KRT77: variants seen among roughly 807,000 people sequenced by gnomAD.
KRT77 encodes keratin, type II cytoskeletal 1b.
A neutral mutation model predicts 51.5 loss-of-function variants in KRT77; 44 were observed. The observed-to-expected ratio is 0.85, with a 90% CI of 0.67 to 1.10. The LOEUF is 1.10. Ranked by LOEUF, KRT77 falls within the 50% of genes least tolerant of loss-of-function variation. The pLI, the probability that KRT77 is intolerant of heterozygous loss-of-function variation, is 0.00. For missense variants in KRT77, 763 were observed against 743.9 expected (o/e 1.03, Z -0.30); for synonymous variants, 293 against 302.0 (o/e 0.97, Z 0.31).
chr12:52,696,279 C>A, intron 3 of KRT77, 91 bp downstream of exon 3: 1 of 1,264,346 alleles, frequency 7.9e-7, no homozygotes, highest in South Asian at 1.2e-5. Flanking sequence ...AGAGGCCACC[C>A]TGCCGTTGTC....
intron 1 of KRT77, 74 bp from the exon 2 acceptor site, chr12:52,697,970 C>T (rs1329416278): frequency 5.4e-6 from 8 of 1,468,546 alleles, no homozygotes; most frequent in Non-Finnish European, 7.6e-6. Context: ...AGCATCCATA[C>T]CCCCTCAACA....
chr12:52,691,676 G>C (rs180732889), intron 8 of KRT77, among the ~76,000 whole-genome samples: 1 of 152,316 alleles, frequency 6.6e-6, no homozygotes, highest in African/African-American at 2.4e-5. Context: ...GTACCCTAAA[G>C]AGTTCTAGCC....
Position 52,697,833 on chromosome 12 carries a change from T to A in KRT77, c.607A>T (p.Asn203Tyr). ...QTKWELLQQV[N>Y]TSTGTNNLEP... ...AGGTTGTTGGTTCCAGTTGAGGTGT[T>A]CACCTGCTGCAGCAACTCCCATTTT... Residue 203 changes from asparagine to tyrosine, a missense_variant, in exon 2 of 9, where the codon AAC (asparagine) becomes TAC (tyrosine). By Grantham distance (143) the Asn-to-Tyr change is moderately radical. Transcript: ENST00000341809. 1 of 1,614,088 alleles carries A rather than the reference T, an allele frequency of 6.2e-7. No homozygotes were observed. The highest frequency in any genetic ancestry group is 2.2e-5 in the East Asian group (1 of 44,868).
intron 1 of KRT77, among the ~76,000 whole-genome samples, chr12:52,702,119 C>T (rs147346966): frequency 1.4e-4 from 22 of 152,282 alleles, no homozygotes; most frequent in African/African-American, 4.6e-4. Context: ...ACTTTTCATC[C>T]GCCTTCCAGA....
At chr12:52,696,331 T>TGGGTCCACAGCCACCCTCAGGACTCCC in intron 3 of KRT77, 39 bp downstream of exon 3, 1 of 1,603,104 alleles carries the variant, frequency 6.2e-7, no homozygotes, top group Non-Finnish European at 8.5e-7. Flanking sequence ...CTCAGCCTCC[T>TGGGTCCACAGCCACCCTCAGGACTCCC]GGGTCCACAG....
chr12:52,690,939 G>C lies in KRT77; in HGVS notation c.*226C>G, dbSNP rs939438313. ...GGCCAGCAGAGCGGGGTCTGAGTGA[G>C]AATGTGCCTAGCTGTGAATCTGACT... On this transcript the variant is annotated 3_prime_UTR_variant, in exon 9 of 9. Transcript: ENST00000341809. The C allele has an allele frequency of 2.9e-5, 18 of 630,132 alleles. No individual in the cohort carries two copies. Among genetic ancestry groups the C allele is most frequent in the African/African-American group, 2.4e-4 (13 of 53,810 alleles). 39.0% of individuals were successfully genotyped at this position (630,132 alleles called of 1,614,324 possible).
chr12:52,695,822 C>A lies in KRT77; in HGVS notation c.865G>T (p.Val289Leu), dbSNP rs564744341. 2 of 1,614,046 alleles carry A rather than the reference C, an allele frequency of 1.2e-6. No homozygotes were observed. The highest frequency in any genetic ancestry group is 1.3e-5 in the African/African-American group (1 of 75,050). The change falls in exon 4 of 9, where the codon GTG (valine) becomes TTG (leucine). Residue 289 changes from valine to leucine, a missense_variant. Physicochemically the swap from Val to Leu is conservative, Grantham distance 32. Coordinates refer to ENST00000341809, the MANE Select transcript of KRT77 (RefSeq NM_175078.3). ...TTGACCTCCCCAGTCAGAGTGTCCA[C>A]CCTGGACTCCAGGTCCACTTTGCTC... ...YVSKVDLESRVDTLTGEVNFL... is the reference protein window; with the variant it reads ...YVSKVDLESRLDTLTGEVNFL...
In KRT77 at chr12:52,697,685, C is replaced by A; in HGVS notation, c.755G>T (p.Ser252Ile). 6.2e-7 allele frequency: 1 copy of A among 1,611,686 alleles called. No individual in the cohort carries two copies. The highest frequency in any genetic ancestry group is 1.1e-5 in the South Asian group (1 of 91,030). Residue 252 changes from serine (S) to isoleucine (I), a missense_variant, in exon 2 of 9, where the codon AGC (serine) becomes ATC (isoleucine). Ser to Ile is a moderately radical substitution (Grantham distance 142). Transcript: ENST00000341809. ...SMQDVVEDYK[S>I]KYEDEINKRT... Reference sequence around the variant, plus strand: ...TTTGCCCTGCCTGGAGTCTCACTTGCTCTTGTAGTCCTCCACGACATCCTG... The same window carrying A: ...TTTGCCCTGCCTGGAGTCTCACTTGATCTTGTAGTCCTCCACGACATCCTG...
chr12:52,696,416 A>T lies in KRT77; in HGVS notation c.773T>A (p.Ile258Asn). The change falls in exon 3 of 9, where the codon ATC becomes AAC. Residue 258 changes from isoleucine (I) to asparagine (N), a missense_variant. Coordinates refer to ENST00000341809, the MANE Select transcript of KRT77 (RefSeq NM_175078.3). ...EDYKSKYEDEINKRTGSENDF... is the reference protein window; with the variant it reads ...EDYKSKYEDENNKRTGSENDF... The stretch of plus-strand genomic sequence containing the variant: ...ATTCTCGCTGCCAGTCCTCTTGTTG[A>T]TTTCATCCTCATACCTGTCAGGCGA... 6.2e-7 allele frequency: 1 copy of T among 1,614,150 alleles called. No homozygotes were observed. Among genetic ancestry groups the T allele is most frequent in the Non-Finnish European group, 8.5e-7 (1 of 1,180,014 alleles).
intron 1 of KRT77, among the ~76,000 whole-genome samples, chr12:52,699,507 C>A (rs1239686030): frequency 6.6e-6 from 1 of 152,252 alleles, no homozygotes; most frequent in South Asian, 2.1e-4. Flanking sequence ...CCAAAACACT[C>A]CTGGTCTGTG....
At position 52,703,202 on chromosome 12, in the gene KRT77, C is replaced by T; in HGVS notation, c.233G>A (p.Ser78Asn). Reference sequence around the variant, plus strand: ...CCCACCCTGGCAGAAACCACTGGTGCTCCTCCCCATTAGATTAATGGAGAT... The same window carrying T: ...CCCACCCTGGCAGAAACCACTGGTGTTCCTCCCCATTAGATTAATGGAGAT... Reference protein sequence around the residue: ...RSISINLMGRSTSGFCQGGGV... With the variant: ...RSISINLMGRNTSGFCQGGGV... Residue 78 changes from serine (S) to asparagine (N), a missense_variant, in exon 1 of 9, where the codon AGC (serine) becomes AAC (asparagine). Ser to Asn is a conservative substitution (Grantham distance 46, BLOSUM62 1). Transcript: ENST00000341809. The T allele has an allele frequency of 7.4e-6, 12 of 1,612,776 alleles. No homozygotes were observed. The highest frequency in any genetic ancestry group is 1.0e-5 in the Non-Finnish European group (12 of 1,179,346).
intron 2 of KRT77, chr12:52,696,732 T>C: frequency 3.2e-6 from 1 of 308,706 alleles, no homozygotes. Context: ...TGTAAATGTG[T>C]CAAACTCATT....
chr12:52,702,512 A>T (rs1355306082), intron 1 of KRT77, among the ~76,000 whole-genome samples: 1 of 136,098 alleles, frequency 7.3e-6, no homozygotes, highest in Non-Finnish European at 1.6e-5. Flanking sequence ...ATTGATGAAT[A>T]AGTGAATGGA....
rs746182922 is a variant in KRT77, at chr12:52,692,860, C to A, written c.1101G>T (p.Thr367=). Residue 367 remains threonine, a synonymous_variant, in exon 6 of 9, where the codon ACG becomes ACT. Transcript: ENST00000341809. ...YQTKYQELQI[T]AGRHGDDLKN... ...TCAGGTCGTCTCCATGTCTCCCTGC[C>A]GTGATCTGGAGCTCCTGGTACTGGG... The A allele has an allele frequency of 1.9e-6, 3 of 1,604,076 alleles. No homozygotes were observed. Among genetic ancestry groups the A allele is most frequent in the Non-Finnish European group, 2.6e-6 (3 of 1,171,556 alleles).
In KRT77 at chr12:52,697,903, G is replaced by A. The variant is rs537428955; in HGVS notation, c.544-7C>T. On this transcript the variant is annotated splice_region_variant and splice_polypyrimidine_tract_variant and intron_variant, in intron 1 of 8. Coordinates refer to ENST00000341809, the MANE Select transcript of KRT77 (RefSeq NM_175078.3). ...GCTGCTCCAGGAATCGCACCTAAGA[G>A]CAAGAGACCCCAGTCCACCCCAGGC... is the stretch of plus-strand genomic sequence containing the variant. 1 of 1,612,738 alleles carries A rather than the reference G, an allele frequency of 6.2e-7. No individual in the cohort carries two copies. Among genetic ancestry groups the A allele is most frequent in the East Asian group, 2.2e-5 (1 of 44,838 alleles).
In KRT77 at chr12:52,703,481, G is replaced by A. The variant is rs1941918377; in HGVS notation, c.-47C>T. On this transcript the variant is annotated 5_prime_UTR_variant, in exon 1 of 9. Transcript: ENST00000341809. ...AGCAGGCAAGAGAAAGAGCCTGGCAGGAAGGAGGCAGAGACCAGAGAGGAA... is the reference window on the plus strand; with the variant it reads ...AGCAGGCAAGAGAAAGAGCCTGGCAAGAAGGAGGCAGAGACCAGAGAGGAA... 4.0e-6 allele frequency: 6 copies of A among 1,507,228 alleles called. No individual in the cohort carries two copies. Among genetic ancestry groups the A allele is most frequent in the Non-Finnish European group, 4.5e-6 (5 of 1,123,594 alleles). 93.4% of individuals were successfully genotyped at this position (1,507,228 alleles called of 1,614,324 possible).
intron 2 of KRT77, chr12:52,696,695 T>C (rs1941798759): frequency 4.8e-6 from 2 of 417,588 alleles, no homozygotes; most frequent in East Asian, 7.1e-5. Context: ...CCCTGGAATG[T>C]CTATTTTTAT....
intron 5 of KRT77, chr12:52,693,406 A>C (rs951696556): frequency 2.6e-5 from 4 of 154,512 alleles, no homozygotes; most frequent in African/African-American, 9.7e-5. Flanking sequence ...CAGGGCTCTG[A>C]AGTGGGTAGG....
intron 4 of KRT77, among the ~76,000 whole-genome samples, 171 bp downstream of exon 4, chr12:52,695,601 G>A (rs1159776475): frequency 6.6e-6 from 1 of 152,166 alleles, no homozygotes; most frequent in African/African-American, 2.4e-5. Context: ...TGGGGATTCT[G>A]AGGATTGGGG....
Sources: allele counts gnomAD v4.1 joint callset (sites outside exome capture counted in the v4.1 genomes callset), GRCh38; gene constraint gnomAD v4.1.1; transcripts MANE v1.5; gene names NCBI Gene and HGNC (gene_info 2026-07-23, HGNC 2026-07-21).